The following AKAP9 variants were observed in gnomAD, a reference collection of about 807,000 sequenced individuals.
The protein encoded by AKAP9 is A-kinase anchoring protein 9, also known as A-kinase anchor protein 9.
In AKAP9, 311 loss-of-function variants were observed where a neutral mutation model predicts 488.5. That is an observed-to-expected ratio of 0.64 (90% CI 0.58 to 0.70). The LOEUF is 0.70. AKAP9 is among the 30% of genes least tolerant of loss of function. The pLI is 0.00. For synonymous variants in AKAP9, 1,462 were observed against 1,483.5 expected (o/e 0.99, Z 0.33); for missense variants, 4,215 against 4,374.5 (o/e 0.96, Z 1.03).
At chr7:92,105,448 A>G (rs1159121352) in intron 46 of AKAP9, among the ~76,000 whole-genome samples, 2 of 152,200 alleles carry the variant, frequency 1.3e-5, no homozygotes, top group South Asian at 2.1e-4. Flanking sequence ...GATGCTGGCA[A>G]TATAAGAGAC....
At chr7:91,989,336 A>G (rs545106393) in intron 3 of AKAP9, among the ~76,000 whole-genome samples, 16 of 152,290 alleles carry the variant, frequency 1.1e-4, no homozygotes, top group Non-Finnish European at 1.9e-4. Context: ...TTGTAGAAAT[A>G]TGTATCCTAT....
intron 22 of AKAP9, among the ~76,000 whole-genome samples, chr7:92,053,366 A>G (rs181603335): frequency 2.0e-5 from 3 of 152,328 alleles, no homozygotes; most frequent in Admixed American, 1.3e-4. Flanking sequence ...AGTTAATGCA[A>G]CATAGTATTT....
At chr7:91,969,909 T>G (rs753278115) in intron 1 of AKAP9, among the ~76,000 whole-genome samples, 48 of 152,186 alleles carry the variant, frequency 3.2e-4, no homozygotes, top group Non-Finnish European at 6.0e-4. Context: ...TTACCTTGAG[T>G]ATTATTATTA....
intron 22 of AKAP9, chr7:92,058,534 G>A (rs951266973): frequency 3.5e-6 from 1 of 285,598 alleles, no homozygotes; most frequent in East Asian, 7.8e-5. Context: ...ATTCATTCTA[G>A]ATGTATTTAA....
At chr7:92,090,278 A>G (rs1025519016) in intron 38 of AKAP9, 1 of 152,296 alleles carries the variant, frequency 6.6e-6, no homozygotes, top group Non-Finnish European at 1.5e-5. Context: ...ACATTCTTCC[A>G]AGTTACTGCA....
intron 24 of AKAP9, 49 bp from the exon 25 acceptor site, chr7:92,065,182 A>G (rs1810569843): frequency 7.9e-7 from 1 of 1,260,280 alleles, no homozygotes; most frequent in Non-Finnish European, 1.1e-6. Flanking sequence ...TCATTATCAT[A>G]AGATCATTAA....
In AKAP9 at chr7:92,002,488, T is replaced by G; in HGVS notation, c.2571T>G (p.Phe857Leu). 2 of 1,611,346 alleles carry G rather than the reference T, an allele frequency of 1.2e-6. No individual in the cohort carries two copies. The highest frequency in any genetic ancestry group is 1.7e-6 in the Non-Finnish European group (2 of 1,179,158). ...RNTFSFAEKN[F>L]EVNYQELQEE... ...CTTTTTCATTTGCTGAAAAAAACTT[T>G]GAAGTTAACTATCAAGAGTTACAAG... The change falls in exon 8 of 50, where the codon TTT becomes TTG. Residue 857 changes from phenylalanine to leucine, a missense_variant. Phe to Leu is a conservative substitution (Grantham distance 22, BLOSUM62 0). Coordinates refer to ENST00000356239, the MANE Select transcript of AKAP9 (RefSeq NM_005751.5).
At chr7:92,009,124 A>G (rs542800992) in intron 8 of AKAP9, among the ~76,000 whole-genome samples, 138 of 152,206 alleles carry the variant, frequency 9.1e-4, no homozygotes, top group African/African-American at 3.3e-3. Flanking sequence ...TTCAAGACCA[A>G]CCTGGGCAAT....
chr7:92,025,077 T>G (rs968747453), intron 14 of AKAP9, among the ~76,000 whole-genome samples: 32 of 152,192 alleles, frequency 2.1e-4, no homozygotes, highest in African/African-American at 6.8e-4. Flanking sequence ...ACTTGGAAAT[T>G]TGTGTTTTTA....
At chr7:92,030,120 T>TA (rs1184904757) in intron 15 of AKAP9, 129 bp downstream of exon 15, 1 of 672,750 alleles carries the variant, frequency 1.5e-6, no homozygotes, top group Non-Finnish European at 2.5e-6. Context: ...GATAATGCCT[T>TA]ATATAGAAAA....
At chr7:92,050,262 A>G (rs1250024917) in intron 21 of AKAP9, among the ~76,000 whole-genome samples, 1 of 148,440 alleles carries the variant, frequency 6.7e-6, no homozygotes, top group South Asian at 2.1e-4. Flanking sequence ...TTTTTTTTGT[A>G]TTTTTGTATT....
chr7:92,041,978 T>A, intron 18 of AKAP9, 68 bp from the exon 19 acceptor site: 1 of 1,563,636 alleles, frequency 6.4e-7, no homozygotes, highest in Non-Finnish European at 8.7e-7. Flanking sequence ...AAAAGAAATC[T>A]GCTTAATATT....
intron 8 of AKAP9, among the ~76,000 whole-genome samples, chr7:92,006,431 A>G (rs1047946275): frequency 6.6e-6 from 1 of 152,130 alleles, no homozygotes; most frequent in Non-Finnish European, 1.5e-5. Context: ...GATTACAGGC[A>G]TGAGTCTTTG....
At position 92,029,998 on chromosome 7, in the gene AKAP9, T is replaced by C; in HGVS notation, c.4245+7T>C. ...TATTGATGGTACAATAGAGGTATTA[T>C]ATTTTTAATTTTTATCTTTTAACTG... On this transcript the variant is annotated splice_region_variant and intron_variant, in intron 15 of 49. Transcript: ENST00000356239. 1 of 1,572,828 alleles carries C rather than the reference T, an allele frequency of 6.4e-7. No individual in the cohort carries two copies. The highest frequency in any genetic ancestry group is 8.7e-7 in the Non-Finnish European group (1 of 1,145,268).
intron 47 of AKAP9, 23 bp downstream of exon 47, chr7:92,105,786 T>C: frequency 6.3e-7 from 1 of 1,592,144 alleles, no homozygotes; most frequent in Non-Finnish European, 8.6e-7. Flanking sequence ...TAGCATATTT[T>C]CTTATGTTTA....
intron 1 of AKAP9, among the ~76,000 whole-genome samples, chr7:91,944,544 G>C (rs1035403579): frequency 1.3e-5 from 2 of 151,732 alleles, no homozygotes; most frequent in African/African-American, 4.8e-5. Context: ...TTACCACCAC[G>C]CCTGGCTAAT....
chr7:91,941,979 G>A (rs1790821687), intron 1 of AKAP9, among the ~76,000 whole-genome samples: 3 of 151,996 alleles, frequency 2.0e-5, no homozygotes, highest in South Asian at 2.1e-4. Context: ...ATCGTTCATT[G>A]GGCTTCATGA....
chr7:91,971,982 C>CTCT lies in AKAP9; in HGVS notation c.49-1728_49-1727insCTT, dbSNP rs1795145420. Among the ~76,000 whole-genome samples, 6 of 91,886 alleles carry CTCT rather than the reference C, an allele frequency of 6.5e-5. No homozygotes were observed. The East Asian group carries it at 1.7e-3, about 26-fold the overall frequency. 60.3% of individuals were successfully genotyped at this position (91,886 alleles called of 152,430 possible). On this transcript the variant is annotated intron_variant, in intron 1 of 49. Transcript: ENST00000356239. ...ATAGAGTCTTTTATGTTTTGCCTCTCTTTTTTTTTTTTTTTTTTTTGCACT... is the reference window on the plus strand; with the variant it reads ...ATAGAGTCTTTTATGTTTTGCCTCTCTCTTTTTTTTTTTTTTTTTTTTTGCACT...
intron 2 of AKAP9, among the ~76,000 whole-genome samples, chr7:91,976,689 T>A (rs753424905): frequency 6.6e-6 from 1 of 152,222 alleles, no homozygotes. Flanking sequence ...CATATAGTCA[T>A]CTTTCTGTTC....
Sources: gnomAD v4.1 joint callset for allele counts (sites outside exome capture counted in the v4.1 genomes callset) on GRCh38, gnomAD v4.1.1 for gene constraint, MANE v1.5 for transcripts, NCBI Gene and HGNC (gene_info 2026-07-23, HGNC 2026-07-21) for gene names.